CEP192: variants seen among roughly 807,000 people sequenced by gnomAD.
CEP192 encodes the protein centrosomal protein of 192 kDa.
Under a neutral mutation model 271.8 loss-of-function variants are expected in CEP192, and 151 were observed. That is an observed-to-expected ratio of 0.56 (90% CI 0.49 to 0.64). The LOEUF is 0.64. Ranked by LOEUF, CEP192 falls within the 30% of genes least tolerant of loss-of-function variation. The pLI is 0.00. For synonymous variants in CEP192, 995 were observed against 1,076.5 expected (o/e 0.92, Z 1.48); for missense variants, 2,910 against 3,020.5 (o/e 0.96, Z 0.86).
At chr18:13,003,246 C>T (rs1484196229) in intron 3 of CEP192, among the ~76,000 whole-genome samples, 1 of 151,886 alleles carries the variant, frequency 6.6e-6, no homozygotes, top group Non-Finnish European at 1.5e-5. Context: ...GTCAGGAGTT[C>T]GAGACCAGCC....
At chr18:13,106,043 A>G (rs905032393) in intron 40 of CEP192, among the ~76,000 whole-genome samples, 1 of 152,162 alleles carries the variant, frequency 6.6e-6, no homozygotes. Flanking sequence ...ATTTTTCACA[A>G]AACTGGAAAC....
At chr18:13,053,238 T>A (rs2036899063) in intron 18 of CEP192, 148 bp downstream of exon 18, 1 of 657,528 alleles carries the variant, frequency 1.5e-6, no homozygotes, top group East Asian at 2.7e-5. Context: ...TGTGCACATA[T>A]TAAATACCTA....
intron 3 of CEP192, among the ~76,000 whole-genome samples, chr18:13,005,654 T>C (rs1046192996): frequency 6.6e-6 from 1 of 152,150 alleles, no homozygotes; most frequent in African/African-American, 2.4e-5. Context: ...TCTTGACTCT[T>C]GAATAGTCTG....
intron 1 of CEP192, among the ~76,000 whole-genome samples, chr18:12,996,374 G>A (rs1412891119): frequency 6.6e-6 from 1 of 151,972 alleles, no homozygotes. Context: ...CATTTTCGCT[G>A]GTGGGGAAGG....
At chr18:13,057,089 T>C (rs912720349) in intron 19 of CEP192, among the ~76,000 whole-genome samples, 1 of 152,162 alleles carries the variant, frequency 6.6e-6, no homozygotes, top group Admixed American at 6.5e-5. Flanking sequence ...GGGCAGCTTC[T>C]CTCTGGGAGC....
chr18:13,116,931 T>C (rs1456260172), intron 43 of CEP192, among the ~76,000 whole-genome samples: 1 of 151,890 alleles, frequency 6.6e-6, no homozygotes, highest in Non-Finnish European at 1.5e-5. Flanking sequence ...TTTTTAAAAA[T>C]GCAATATAAG....
At chr18:13,002,228 T>C (rs1486153633) in intron 3 of CEP192, among the ~76,000 whole-genome samples, 1 of 152,182 alleles carries the variant, frequency 6.6e-6, no homozygotes, top group Non-Finnish European at 1.5e-5. Flanking sequence ...TTTATGCCTT[T>C]AAATCTTCTT....
At chr18:13,083,842 C>G (rs1412851648) in intron 30 of CEP192, among the ~76,000 whole-genome samples, 1 of 152,144 alleles carries the variant, frequency 6.6e-6, no homozygotes, top group Non-Finnish European at 1.5e-5. Flanking sequence ...GTGTTCCTTT[C>G]TGTTTGTTAG....
chr18:12,995,963 C>T (rs530748909), intron 1 of CEP192, among the ~76,000 whole-genome samples: 41 of 152,218 alleles, frequency 2.7e-4, no homozygotes, highest in African/African-American at 8.7e-4. Flanking sequence ...GTAGAGGAGA[C>T]GAAGTCACAG....
chr18:13,004,760 G>A (rs2033874742), intron 3 of CEP192, among the ~76,000 whole-genome samples: 1 of 152,198 alleles, frequency 6.6e-6, no homozygotes, highest in Admixed American at 6.5e-5. Context: ...GAGGGCCGTG[G>A]GCGTGACTGT....
Position 13,008,467 on chromosome 18 carries a change from G to C in CEP192, c.302G>C (p.Arg101Thr). 4 of 1,544,564 alleles carry C rather than the reference G, an allele frequency of 2.6e-6. No individual in the cohort carries two copies. The highest frequency in any genetic ancestry group is 3.5e-6 in the Non-Finnish European group (4 of 1,144,124). ...TCCTAATAAAAAAGTTCTATCTCTA[G>C]GAAAAAGAGCTATGTGGAAAGTCAA... ...LSFQDDDSIS[R>T]KKSYVESQRL... Residue 101 changes from arginine (R) to threonine (T), a missense_variant, in exon 4 of 45, where the codon AGG (arginine) becomes ACG (threonine). Arg to Thr is a moderately conservative substitution (Grantham distance 71). Coordinates refer to ENST00000506447, the MANE Select transcript of CEP192 (RefSeq NM_032142.4).
chr18:13,107,510 T>TCCA (rs1419506827), intron 40 of CEP192, among the ~76,000 whole-genome samples: 4 of 152,168 alleles, frequency 2.6e-5, no homozygotes, highest in Non-Finnish European at 2.9e-5. Context: ...GAAAGCTTGG[T>TCCA]TTTCATTAGC....
chr18:13,047,356 A>G (rs996428118), intron 15 of CEP192, among the ~76,000 whole-genome samples: 1 of 149,382 alleles, frequency 6.7e-6, no homozygotes, highest in East Asian at 1.9e-4. Context: ...CTCTCCCTCA[A>G]ACATACACAC....
intron 34 of CEP192, among the ~76,000 whole-genome samples, 192 bp downstream of exon 34, chr18:13,092,719 C>T (rs1225511312): frequency 6.6e-6 from 1 of 152,134 alleles, no homozygotes; most frequent in Non-Finnish European, 1.5e-5. Context: ...AGAGAACTCC[C>T]ATATACTCTG....
intron 17 of CEP192, among the ~76,000 whole-genome samples, chr18:13,052,128 GT>G (rs1247371875): frequency 6.6e-6 from 1 of 152,212 alleles, no homozygotes; most frequent in Non-Finnish European, 1.5e-5. Flanking sequence ...TGGCAGCCCT[GT>G]GAAAGGTGCT....
intron 21 of CEP192, among the ~76,000 whole-genome samples, chr18:13,066,366 G>T (rs760392023): frequency 3.3e-5 from 5 of 152,010 alleles, no homozygotes; most frequent in Admixed American, 3.3e-4. Flanking sequence ...TCTAGTTCTT[G>T]GGTTACTAAC....
intron 14 of CEP192, among the ~76,000 whole-genome samples, chr18:13,041,203 G>C (rs530015711): frequency 6.6e-6 from 1 of 152,088 alleles, no homozygotes; most frequent in Non-Finnish European, 1.5e-5. Flanking sequence ...TTTCAGATGG[G>C]CTAGTTAATG....
At chr18:12,992,341 G>A (rs996299799) in intron 1 of CEP192, among the ~76,000 whole-genome samples, 1 of 152,112 alleles carries the variant, frequency 6.6e-6, no homozygotes, top group African/African-American at 2.4e-5. Context: ...TGAGTTTTGG[G>A]GAAGTTTGAC....
intron 28 of CEP192, 80 bp from the exon 29 acceptor site, chr18:13,072,675 G>T: frequency 3.2e-6 from 3 of 927,244 alleles, no homozygotes; most frequent in South Asian, 1.4e-5. Flanking sequence ...CATTGTGGTT[G>T]GTTTTAATTG....
Sources: allele counts gnomAD v4.1 joint callset (sites outside exome capture counted in the v4.1 genomes callset), GRCh38; gene constraint gnomAD v4.1.1; transcripts MANE v1.5; gene names NCBI Gene and HGNC (gene_info 2026-07-23, HGNC 2026-07-21).